ZNF608: variants seen among roughly 807,000 people sequenced by gnomAD.
The protein encoded by ZNF608 is renal carcinoma antigen NY-REN-36.
ZNF608 carries 12 observed loss-of-function variants against 109.0 expected under a neutral mutation model. That is an observed-to-expected ratio of 0.11 (90% CI 0.07 to 0.18). The LOEUF (loss-of-function observed/expected upper bound fraction) is 0.18. Among genes scored for constraint, ZNF608 ranks in the 10% least tolerant of loss-of-function variants. The pLI, the probability that ZNF608 is intolerant of heterozygous loss-of-function variation, is 1.00. For missense variants in ZNF608, 1,707 were observed against 1,879.3 expected, an observed-to-expected ratio of 0.91 and a Z score of 1.70; for synonymous variants, 732 against 717.4, an observed-to-expected ratio of 1.02 and a Z score of -0.33.
At position 124,744,731 on chromosome 5, in the gene ZNF608, A is replaced by G; in HGVS notation, c.259T>C (p.Ser87Pro). Residue 87 changes from serine to proline, a missense_variant, in exon 2 of 10, where the codon TCT (serine) becomes CCT (proline). Around this residue, in one of 7 missense-constraint regions of ZNF608, gnomAD observed 407 missense variants for 398.7 expected, o/e 1.02. Transcript: ENST00000513986. The surrounding 1 kb of genome is among the most constrained non-coding windows in gnomAD (Gnocchi z 4.5). ...AALADGLKFA[S>P]VQASAPQGNS... ...CCCTGGGGAGCAGAGGCCTGAACAG[A>G]AGCAAATTTTAGGCCATCAGCTAAG... 6.2e-7 allele frequency: 1 copy of G among 1,614,144 alleles called. No individual in the cohort carries two copies. Among genetic ancestry groups the G allele is most frequent in the Non-Finnish European group, 8.5e-7 (1 of 1,180,016 alleles).
At chr5:124,686,068 C>T (rs1254858291) in intron 3 of ZNF608, among the ~76,000 whole-genome samples, 1 of 152,078 alleles carries the variant, frequency 6.6e-6, no homozygotes, top group Non-Finnish European at 1.5e-5. Context: ...ATTCAAATGC[C>T]AAATATAAAG....
intron 2 of ZNF608, among the ~76,000 whole-genome samples, chr5:124,712,473 G>A (rs896291802): frequency 6.6e-6 from 1 of 152,216 alleles, no homozygotes; most frequent in Non-Finnish European, 1.5e-5. Context: ...AGAATGTAAA[G>A]AGAAGGGCCA....
At chr5:124,723,291 G>A (rs1207321002) in intron 2 of ZNF608, among the ~76,000 whole-genome samples, 1 of 152,178 alleles carries the variant, frequency 6.6e-6, no homozygotes, top group Admixed American at 6.5e-5. Context: ...TTATAGGCGT[G>A]AGCCGCGCCC....
Position 124,646,900 on chromosome 5 carries a change from G to A in ZNF608, c.3484C>T (p.Pro1162Ser). 6.2e-7 allele frequency: 1 copy of A among 1,614,096 alleles called. No individual in the cohort carries two copies. Among genetic ancestry groups the A allele is most frequent in the Non-Finnish European group, 8.5e-7 (1 of 1,179,990 alleles). The change falls in exon 5 of 10, where the codon CCT becomes TCT. Residue 1162 changes from proline to serine, a missense_variant. By Grantham distance (74) the Pro-to-Ser change is moderately conservative. Transcript: ENST00000513986. ...TISKAPSTPEPNKNHSKLGPS... is the reference protein window; with the variant it reads ...TISKAPSTPESNKNHSKLGPS... ...CCTAGTTTAGAATGGTTTTTGTTAG[G>A]CTCCGGAGTAGAGGGAGCTTTTGAG...
At chr5:124,661,717 G>GTCTAT (rs1347944766) in intron 3 of ZNF608, among the ~76,000 whole-genome samples, 3 of 152,118 alleles carry the variant, frequency 2.0e-5, no homozygotes, top group African/African-American at 7.2e-5. Context: ...CTGCTTTACT[G>GTCTAT]TCTATTTCTA....
At chr5:124,723,281 T>C (rs894308302) in intron 2 of ZNF608, among the ~76,000 whole-genome samples, 5 of 152,164 alleles carry the variant, frequency 3.3e-5, no homozygotes. Flanking sequence ...AGTACTGGGA[T>C]TATAGGCGTG....
intron 3 of ZNF608, among the ~76,000 whole-genome samples, chr5:124,658,795 G>A (rs1434337392): frequency 6.6e-6 from 1 of 152,144 alleles, no homozygotes; most frequent in East Asian, 1.9e-4. Flanking sequence ...TCACAAGCTT[G>A]TATCATTAGC....
rs115617656 is a variant in ZNF608, at chr5:124,727,258, C to A, written c.906+16826G>T. Among the ~76,000 whole-genome samples, 425 of 152,252 alleles carry A rather than the reference C, an allele frequency of 2.8e-3. 3 individuals carry two copies. The highest frequency in any genetic ancestry group is 0.01 in the African/African-American group (416 of 41,532). The stretch of plus-strand genomic sequence containing the variant: ...TCAACTCTAAAACCCTCTCCTCTCC[C>A]CAAGTCAAGGCTTCAGAGGAAATAA... On this transcript the variant is annotated intron_variant, in intron 2 of 9. Coordinates refer to ENST00000513986, the MANE Select transcript of ZNF608 (RefSeq NM_020747.3).
At chr5:124,687,060 G>C (rs914498185) in intron 3 of ZNF608, among the ~76,000 whole-genome samples, 1 of 152,040 alleles carries the variant, frequency 6.6e-6, no homozygotes, top group Non-Finnish European at 1.5e-5. Context: ...AACCTCAAAC[G>C]GACAAGCAAA....
rs748748176 is a variant in ZNF608, at chr5:124,648,447, T to C, written c.1937A>G (p.Asn646Ser). The C allele has an allele frequency of 2.5e-6, 4 of 1,614,104 alleles. No homozygotes were observed. The highest frequency in any genetic ancestry group is 3.4e-6 in the Non-Finnish European group (4 of 1,180,038). The change falls in exon 5 of 10, where the codon AAT becomes AGT. Residue 646 changes from asparagine to serine, a missense_variant. This residue lies in a region of ZNF608 where 1,073 missense variants were observed against 1,133.5 expected (regional missense o/e 0.95). Coordinates refer to ENST00000513986, the MANE Select transcript of ZNF608 (RefSeq NM_020747.3). ...AGCACCAATAATGGAACCTGGGCCA[T>C]TGCTCATCAGCTCTCTCTTTCCCTT... The part of the protein sequence containing the change: ...TPKGKRELMS[N>S]GPGSIIGAKA...
intron 3 of ZNF608, among the ~76,000 whole-genome samples, chr5:124,659,781 T>C (rs1024298150): frequency 1.3e-5 from 2 of 152,220 alleles, no homozygotes; most frequent in African/African-American, 4.8e-5. Flanking sequence ...TCCCCAGTCC[T>C]TGAGCTGTAA....
At chr5:124,741,285 T>C (rs1349295275) in intron 2 of ZNF608, among the ~76,000 whole-genome samples, 1 of 151,264 alleles carries the variant, frequency 6.6e-6, no homozygotes, top group African/African-American at 2.4e-5. Context: ...TGACTTTGTG[T>C]AGTGAAGAAA....
At chr5:124,678,452 T>C (rs938008582) in intron 3 of ZNF608, among the ~76,000 whole-genome samples, 2 of 152,180 alleles carry the variant, frequency 1.3e-5, no homozygotes, top group African/African-American at 4.8e-5. Flanking sequence ...CCCTTCTAAG[T>C]GCCACTGATA....
At chr5:124,668,803 G>A (rs544630559) in intron 3 of ZNF608, among the ~76,000 whole-genome samples, 17 of 152,264 alleles carry the variant, frequency 1.1e-4, no homozygotes, top group Admixed American at 8.5e-4. Flanking sequence ...TGGAGAATAG[G>A]GGGTTTAAGA....
In ZNF608 at chr5:124,655,994, C is replaced by T. The variant is rs147184859; in HGVS notation, c.1163-6297G>A. 1.5e-4 allele frequency among the ~76,000 whole-genome samples: 23 copies of T among 152,172 alleles called. No homozygotes were observed. In the East Asian group the frequency reaches 4.2e-3, roughly 28 times the overall value. On this transcript the variant is annotated intron_variant, in intron 3 of 9. Coordinates refer to ENST00000513986, the MANE Select transcript of ZNF608 (RefSeq NM_020747.3). ...GCCAAGTATATATAGAGCACTAGGA[C>T]AGGAAAAGTAAGTGTTGTCACATGA...
At chr5:124,657,333 C>A (rs576394710) in intron 3 of ZNF608, among the ~76,000 whole-genome samples, 1 of 152,062 alleles carries the variant, frequency 6.6e-6, no homozygotes, top group South Asian at 2.1e-4. Context: ...TTACAGGGCC[C>A]AAGATATAAC....
intron 2 of ZNF608, among the ~76,000 whole-genome samples, chr5:124,705,752 C>T (rs1753233516): frequency 1.3e-5 from 2 of 152,230 alleles, no homozygotes; most frequent in South Asian, 2.1e-4. Context: ...GCTTAACCCA[C>T]CTCCATTTTA....
intron 3 of ZNF608, among the ~76,000 whole-genome samples, chr5:124,655,495 C>G (rs927831824): frequency 2.6e-5 from 4 of 152,152 alleles, no homozygotes; most frequent in African/African-American, 4.8e-5. Context: ...AAAACAGAAA[C>G]CTCATTCGAA....
At chr5:124,716,196 C>T (rs901992753) in intron 2 of ZNF608, among the ~76,000 whole-genome samples, 3 of 147,850 alleles carry the variant, frequency 2.0e-5, no homozygotes, top group Non-Finnish European at 3.0e-5. Context: ...AGTTGCTTTA[C>T]GTATCAAAAC....
Sources: allele counts gnomAD v4.1 joint callset (sites outside exome capture counted in the v4.1 genomes callset), GRCh38; gene constraint gnomAD v4.1.1; regional missense constraint gnomAD v4.1.1; non-coding constraint Gnocchi (gnomAD v3.1); transcripts MANE v1.5; gene names NCBI Gene and HGNC (gene_info 2026-07-23, HGNC 2026-07-21).